The following ARHGEF28 variants were observed in gnomAD, a reference collection of about 807,000 sequenced individuals.
ARHGEF28 encodes the protein 190 kDa guanine nucleotide exchange factor.
In ARHGEF28, 152 loss-of-function variants were observed where a neutral mutation model predicts 206.6. That is an observed-to-expected ratio of 0.74 (90% CI 0.64 to 0.84). The LOEUF (loss-of-function observed/expected upper bound fraction) is 0.84. Ranked by LOEUF, ARHGEF28 falls within the 40% of genes least tolerant of loss-of-function variation. ARHGEF28 has a pLI of 0.00. For synonymous variants in ARHGEF28, 763 were observed against 776.4 expected (o/e 0.98, Z 0.29); for missense variants, 2,028 against 2,073.2 (o/e 0.98, Z 0.42).
intron 2 of ARHGEF28, among the ~76,000 whole-genome samples, chr5:73,738,799 A>G (rs1237761302): frequency 6.6e-6 from 1 of 152,138 alleles, no homozygotes; most frequent in African/African-American, 2.4e-5. Context: ...GAGATGTTCA[A>G]TGCTGTTACT....
In ARHGEF28 at chr5:73,873,175, A is replaced by G. The variant is rs1483282188; in HGVS notation, c.2743A>G (p.Arg915Gly). The G allele has an allele frequency of 6.2e-7, 1 of 1,612,496 alleles. No homozygotes were observed. The highest frequency in any genetic ancestry group is 1.7e-5 in the Admixed American group (1 of 59,750). Residue 915 changes from arginine (R) to glycine (G), a missense_variant, in exon 22 of 36, where the codon AGG becomes GGG. Arg to Gly is a moderately radical substitution (Grantham distance 125). Coordinates refer to ENST00000513042, the MANE Select transcript of ARHGEF28 (RefSeq NM_001177693.2). Reference sequence around the variant, plus strand: ...TTTCTTCTACAGTATGAAGGAACGAAGGCAGGAATCCTGTGCTGGCAGCGA... The same window carrying G: ...TTTCTTCTACAGTATGAAGGAACGAGGGCAGGAATCCTGTGCTGGCAGCGA... ...RHFFYSMKER[R>G]QESCAGSDRN...
intron 22 of ARHGEF28, among the ~76,000 whole-genome samples, chr5:73,875,266 G>T (rs2112648900): frequency 6.6e-6 from 1 of 151,578 alleles, no homozygotes; most frequent in African/African-American, 2.4e-5. Flanking sequence ...TGATGGGGTT[G>T]TTTGTTTTTT....
chr5:73,676,069 CT>C (rs70973270), intron 1 of ARHGEF28, among the ~76,000 whole-genome samples: 47,899 of 114,898 alleles, frequency 0.42, 8,239 homozygotes, highest in East Asian at 0.68. Flanking sequence ...ATTTTCTTTT[CT>C]TTTTTTTTTT....
chr5:73,765,116 C>T (rs1752825135), intron 4 of ARHGEF28, among the ~76,000 whole-genome samples: 1 of 151,962 alleles, frequency 6.6e-6, no homozygotes, highest in South Asian at 2.1e-4. Context: ...TCTTGTAGTC[C>T]AGACAGTTTC....
In ARHGEF28 at chr5:73,901,282, A is replaced by G. The variant is rs1424057487; in HGVS notation, c.4072A>G (p.Lys1358Glu). ...TDLAVSDAGE[K>E]VECRNFPGSS... ...CTTGGCCGTCTCTGATGCAGGGGAG[A>G]AGGTATTGTGAACTGATTTGTTAGT... Residue 1358 changes from lysine (K) to glutamate (E), a missense_variant and splice_region_variant, in exon 31 of 36, where the codon AAG (lysine) becomes GAG (glutamate). This residue lies in a region of ARHGEF28 where 803 missense variants were observed against 768.0 expected (regional missense o/e 1.05). Transcript: ENST00000513042. The G allele has an allele frequency of 1.2e-6, 2 of 1,612,026 alleles. No homozygotes were observed. The highest frequency in any genetic ancestry group is 1.7e-5 in the Admixed American group (1 of 59,916).
In ARHGEF28 at chr5:73,780,763, C is replaced by T; in HGVS notation, c.910+18C>T. 3 of 1,552,696 alleles carry T rather than the reference C, an allele frequency of 1.9e-6. No individual in the cohort carries two copies. Among genetic ancestry groups the T allele is most frequent in the Non-Finnish European group, 2.6e-6 (3 of 1,147,694 alleles). ...TGAAGAAGGTACGCATGCTCCTTTC[C>T]CACTTATGGCAGCCACAGAGTGCTC... On this transcript the variant is annotated intron_variant, in intron 7 of 35. Coordinates refer to ENST00000513042, the MANE Select transcript of ARHGEF28 (RefSeq NM_001177693.2).
intron 9 of ARHGEF28, among the ~76,000 whole-genome samples, chr5:73,821,389 C>G (rs1248896409): frequency 1.3e-5 from 2 of 152,130 alleles, no homozygotes; most frequent in Non-Finnish European, 2.9e-5. Context: ...AACTCAATTA[C>G]TTTTGAGGAT....
chr5:73,816,977 T>C (rs958951570), intron 9 of ARHGEF28, among the ~76,000 whole-genome samples: 1 of 152,228 alleles, frequency 6.6e-6, no homozygotes, highest in African/African-American at 2.4e-5. Flanking sequence ...TTGTTTTTGT[T>C]TTTTTTAAAT....
At chr5:73,908,020 C>A (rs2112721750) in intron 33 of ARHGEF28, among the ~76,000 whole-genome samples, 1 of 152,214 alleles carries the variant, frequency 6.6e-6, no homozygotes, top group East Asian at 1.9e-4. Context: ...TTTTCTTTAG[C>A]CAGATCAACA....
chr5:73,668,497 A>G (rs1257027018), intron 1 of ARHGEF28, among the ~76,000 whole-genome samples: 1 of 152,196 alleles, frequency 6.6e-6, no homozygotes, highest in Non-Finnish European at 1.5e-5. Flanking sequence ...AAAATCACTC[A>G]TCCAATAACC....
intron 7 of ARHGEF28, among the ~76,000 whole-genome samples, chr5:73,782,879 T>C (rs2112464510): frequency 6.6e-6 from 1 of 152,324 alleles, no homozygotes. Flanking sequence ...GGGCACTTGA[T>C]TACAAGGGCC....
chr5:73,854,093 C>T (rs1195024745), intron 14 of ARHGEF28, among the ~76,000 whole-genome samples: 1 of 152,072 alleles, frequency 6.6e-6, no homozygotes. Flanking sequence ...AAGCATCTTA[C>T]TCTCTCAGTC....
At chr5:73,862,670 C>T (rs1759467472) in intron 16 of ARHGEF28, among the ~76,000 whole-genome samples, 1 of 151,974 alleles carries the variant, frequency 6.6e-6, no homozygotes, top group Admixed American at 6.6e-5. Context: ...GTTTACTCTC[C>T]CCCGGCCCAG....
chr5:73,722,647 T>G (rs1750030464), intron 2 of ARHGEF28, among the ~76,000 whole-genome samples: 1 of 152,256 alleles, frequency 6.6e-6, no homozygotes, highest in Non-Finnish European at 1.5e-5. Context: ...TGATTTAAAC[T>G]TCAAAGTACG....
intron 11 of ARHGEF28, 27 bp downstream of exon 11, chr5:73,840,787 CTG>C: frequency 6.3e-7 from 1 of 1,582,966 alleles, no homozygotes; most frequent in South Asian, 1.2e-5. Context: ...TAGAGGAAAA[CTG>C]TAGAACATCA....
At chr5:73,752,851 C>A in intron 3 of ARHGEF28, 58 bp from the exon 4 acceptor site, 1 of 1,585,848 alleles carries the variant, frequency 6.3e-7, no homozygotes, top group Non-Finnish European at 8.6e-7. Flanking sequence ...CACATTGGAC[C>A]CCTGTGAGAG....
intron 1 of ARHGEF28, among the ~76,000 whole-genome samples, chr5:73,664,186 G>GCTGT (rs1745800318): frequency 6.6e-6 from 1 of 152,216 alleles, no homozygotes; most frequent in Non-Finnish European, 1.5e-5. Context: ...TACCAACACA[G>GCTGT]CTGTGGCCAA....
At chr5:73,718,091 C>T (rs929728900) in intron 2 of ARHGEF28, among the ~76,000 whole-genome samples, 1 of 152,020 alleles carries the variant, frequency 6.6e-6, no homozygotes, top group Non-Finnish European at 1.5e-5. Flanking sequence ...TGGCTGGTCT[C>T]GAATTCCTGA....
At chr5:73,813,704 G>A (rs150518300) in intron 9 of ARHGEF28, 4 of 1,524,754 alleles carry the variant, frequency 2.6e-6, no homozygotes, top group Non-Finnish European at 2.6e-6. Context: ...TTTCCTTCAC[G>A]GGCAAAACCA....
Sources: gnomAD v4.1 joint callset for allele counts (sites outside exome capture counted in the v4.1 genomes callset) on GRCh38, gnomAD v4.1.1 for gene constraint, gnomAD v4.1.1 regional missense constraint, MANE v1.5 for transcripts, NCBI Gene and HGNC (gene_info 2026-07-23, HGNC 2026-07-21) for gene names.